NCOA2: variants seen among roughly 807,000 people sequenced by gnomAD.
The protein encoded by NCOA2 is nuclear receptor coactivator 2.
In NCOA2, 21 loss-of-function variants were observed where a neutral mutation model predicts 145.1. The ratio of observed to expected loss-of-function variants is 0.14; its 90% CI spans 0.10 to 0.21. The LOEUF (loss-of-function observed/expected upper bound fraction) is 0.21. Among genes scored for constraint, NCOA2 ranks in the 10% least tolerant of loss-of-function variants. NCOA2 has a pLI of 1.00. For missense variants in NCOA2, 1,472 were observed against 1,837.6 expected (o/e 0.80, Z 3.64); for synonymous variants, 619 against 637.5 (o/e 0.97, Z 0.44).
chr8:70,441,535 A>G, the NCOA2 span, among the ~76,000 whole-genome samples: 185 of 151,060 alleles, frequency 1.2e-3, 1 homozygote, highest in African/African-American at 4.3e-3. Context: ...GAAGAAAGGA[A>G]AGAAAGAGAG....
intron 1 of NCOA2, among the ~76,000 whole-genome samples, chr8:70,356,473 A>G (rs1008765766): frequency 2.6e-5 from 4 of 152,246 alleles, no homozygotes; most frequent in Non-Finnish European, 4.4e-5. Context: ...ATTGTTACAG[A>G]AACTACTGAA....
chr8:70,226,236 G>C (rs1349346686), intron 2 of NCOA2, among the ~76,000 whole-genome samples: 1 of 151,840 alleles, frequency 6.6e-6, no homozygotes, highest in South Asian at 2.1e-4. Flanking sequence ...TCAGACTTTT[G>C]TGAGTTTATA....
At chr8:70,113,730 CCTGA>C (rs1266995182) in intron 22 of NCOA2, 87 bp from the exon 23 acceptor site, 6 of 1,299,306 alleles carry the variant, frequency 4.6e-6, no homozygotes, top group South Asian at 2.5e-5. Context: ...CATCAAAATT[CCTGA>C]CTGTTTTCAA....
At chr8:70,410,604 G>A in the NCOA2 span, among the ~76,000 whole-genome samples, 1 of 152,074 alleles carries the variant, frequency 6.6e-6, no homozygotes, top group Non-Finnish European at 1.5e-5. Flanking sequence ...CAAAGTGCTT[G>A]GAACACAAGC....
chr8:70,279,374 T>C (rs1426113969), intron 2 of NCOA2, among the ~76,000 whole-genome samples: 1 of 152,236 alleles, frequency 6.6e-6, no homozygotes, highest in Non-Finnish European at 1.5e-5. Context: ...ATCAATGGCA[T>C]AGAGTGGATT....
chr8:70,190,622 C>T (rs758549377), intron 4 of NCOA2, among the ~76,000 whole-genome samples: 4 of 152,088 alleles, frequency 2.6e-5, no homozygotes, highest in Non-Finnish European at 5.9e-5. Flanking sequence ...GAGGCTGAGG[C>T]GGGTGGATCC....
At chr8:70,133,733 A>G (rs1291132351) in intron 15 of NCOA2, among the ~76,000 whole-genome samples, 1 of 152,236 alleles carries the variant, frequency 6.6e-6, no homozygotes, top group Admixed American at 6.5e-5. Flanking sequence ...TTATCAAGAA[A>G]TGAAGTTACC....
chr8:70,364,081 G>A (rs914037489), intron 1 of NCOA2, among the ~76,000 whole-genome samples: 7 of 151,852 alleles, frequency 4.6e-5, no homozygotes, highest in South Asian at 2.1e-4. Flanking sequence ...AGACTGCTGC[G>A]TTATGGGACA....
At chr8:70,287,520 AG>A in intron 2 of NCOA2, among the ~76,000 whole-genome samples, 1 of 152,314 alleles carries the variant, frequency 6.6e-6, no homozygotes, top group Admixed American at 6.5e-5. Flanking sequence ...AAACTTGTGA[AG>A]TCATTTTTAA....
At chr8:70,378,743 TAAAA>T (rs10672044) in intron 1 of NCOA2, among the ~76,000 whole-genome samples, 1 of 109,876 alleles carries the variant, frequency 9.1e-6, no homozygotes, top group South Asian at 3.0e-4. Flanking sequence ...TAGGCTATGC[TAAAA>T]AAAAAAAAAA....
At position 70,318,754 on chromosome 8, in the gene NCOA2, C is replaced by A. The variant is rs531161618; in HGVS notation, c.-76-21954G>T. 2.2e-4 allele frequency among the ~76,000 whole-genome samples: 33 copies of A among 152,160 alleles called. No homozygotes were observed. The South Asian group carries it at 3.1e-3, about 14-fold the overall frequency. On this transcript the variant is annotated intron_variant, in intron 1 of 22. Coordinates refer to ENST00000452400, the MANE Select transcript of NCOA2 (RefSeq NM_006540.4). The stretch of plus-strand genomic sequence containing the variant: ...CTCCAGACTGGGTGACAGAGGGAGA[C>A]CCTGTCTCAAAAGAAAAAAAAAGAA...
At chr8:70,222,110 GTACATTAATTCA>G (rs1198226269) in intron 2 of NCOA2, among the ~76,000 whole-genome samples, 1 of 152,046 alleles carries the variant, frequency 6.6e-6, no homozygotes, top group Non-Finnish European at 1.5e-5. Context: ...TCAAAAAACT[GTACATTAATTCA>G]TATAGTAACA....
chr8:70,397,233 CAGGAGG>C (rs2131727195), intron 1 of NCOA2, among the ~76,000 whole-genome samples: 1 of 152,208 alleles, frequency 6.6e-6, no homozygotes, highest in African/African-American at 2.4e-5. Flanking sequence ...CTGAGGCAGG[CAGGAGG>C]TCAGGAGTTC....
chr8:70,120,084 G>A (rs553781832), intron 22 of NCOA2, among the ~76,000 whole-genome samples: 1 of 152,166 alleles, frequency 6.6e-6, no homozygotes, highest in South Asian at 2.1e-4. Context: ...TGGCCAGGCT[G>A]GTCACAAACT....
At chr8:70,397,675 C>G (rs1813805863) in intron 1 of NCOA2, among the ~76,000 whole-genome samples, 1 of 152,178 alleles carries the variant, frequency 6.6e-6, no homozygotes, top group East Asian at 1.9e-4. Flanking sequence ...CCATACACCA[C>G]ACAGGACTCA....
intron 4 of NCOA2, among the ~76,000 whole-genome samples, chr8:70,204,153 G>A (rs548928833): frequency 2.0e-5 from 3 of 151,876 alleles, no homozygotes; most frequent in South Asian, 4.2e-4. Context: ...GATTACAGGC[G>A]TGTGCCACCA....
intron 4 of NCOA2, among the ~76,000 whole-genome samples, chr8:70,200,058 T>C (rs1307023778): frequency 6.6e-6 from 1 of 152,170 alleles, no homozygotes; most frequent in African/African-American, 2.4e-5. Flanking sequence ...ACTATGTATA[T>C]AGCATTTATA....
intron 1 of NCOA2, among the ~76,000 whole-genome samples, chr8:70,363,076 CT>C: frequency 1.2e-5 from 1 of 80,186 alleles, no homozygotes; most frequent in East Asian, 5.0e-4. Context: ...AAGACTCTGT[CT>C]TTAAAAAAAA....
At chr8:70,385,340 T>A (rs1812566578) in intron 1 of NCOA2, among the ~76,000 whole-genome samples, 1 of 152,228 alleles carries the variant, frequency 6.6e-6, no homozygotes, top group Middle Eastern at 3.2e-3. Flanking sequence ...CTTGTTTAAG[T>A]GATGGAGTTG....
Sources: gnomAD v4.1 joint callset for allele counts (sites outside exome capture counted in the v4.1 genomes callset) on GRCh38, gnomAD v4.1.1 for gene constraint, MANE v1.5 for transcripts, NCBI Gene and HGNC (gene_info 2026-07-23, HGNC 2026-07-21) for gene names.